TLK1: variants seen among roughly 807,000 people sequenced by gnomAD.
TLK1 encodes the protein serine/threonine-protein kinase tousled-like 1.
TLK1 carries 24 observed loss-of-function variants against 105.3 expected under a neutral mutation model. The ratio of observed to expected loss-of-function variants is 0.23; its 90% confidence interval spans 0.17 to 0.32. TLK1 has a LOEUF of 0.32. Among genes scored for constraint, TLK1 ranks in the 10% least tolerant of loss-of-function variants. The pLI, the probability that TLK1 is intolerant of heterozygous loss-of-function variation, is 1.00. For missense variants in TLK1, 558 were observed against 910.5 expected (o/e 0.61, Z 4.98); for synonymous variants, 321 against 310.4 (o/e 1.03, Z -0.36).
chr2:171,102,958 T>G (rs750020695), intron 2 of TLK1, among the ~76,000 whole-genome samples: 1 of 151,024 alleles, frequency 6.6e-6, no homozygotes, highest in Non-Finnish European at 1.5e-5. Context: ...AAAAAAGAAG[T>G]GGAGAAACTA....
chr2:171,130,762 T>C (rs1199416538), intron 1 of TLK1, among the ~76,000 whole-genome samples: 1 of 152,158 alleles, frequency 6.6e-6, no homozygotes, highest in Non-Finnish European at 1.5e-5. Context: ...ATAGGGCTCC[T>C]ACCTGCTCTA....
chr2:171,158,965 T>C (rs1252630162), intron 1 of TLK1, among the ~76,000 whole-genome samples: 1 of 152,220 alleles, frequency 6.6e-6, no homozygotes, highest in South Asian at 2.1e-4. Context: ...AGCATATTCA[T>C]GCCAATCTTT....
intron 1 of TLK1, among the ~76,000 whole-genome samples, chr2:171,184,375 C>G (rs12464487): frequency 0.045 from 6,869 of 152,196 alleles, 454 homozygotes; most frequent in East Asian, 0.3. Flanking sequence ...AGGCGTGGTG[C>G]CTCACGCCTG....
chr2:171,009,592 C>A (rs1684812254), intron 14 of TLK1, among the ~76,000 whole-genome samples: 1 of 151,994 alleles, frequency 6.6e-6, no homozygotes, highest in African/African-American at 2.4e-5. Flanking sequence ...CAGGTGTGAG[C>A]CATGGCCAAC....
At chr2:171,073,351 G>C (rs1311088300) in intron 3 of TLK1, among the ~76,000 whole-genome samples, 2 of 151,752 alleles carry the variant, frequency 1.3e-5, no homozygotes, top group African/African-American at 4.8e-5. Flanking sequence ...TTTTTTAAAG[G>C]GTAACATTTA....
intron 3 of TLK1, among the ~76,000 whole-genome samples, chr2:171,065,289 T>C (rs950724085): frequency 6.6e-6 from 1 of 152,234 alleles, no homozygotes; most frequent in South Asian, 2.1e-4. Flanking sequence ...TTGTTCTTCA[T>C]TGGGCCTCAC....
intron 1 of TLK1, among the ~76,000 whole-genome samples, chr2:171,181,626 C>A (rs1479816685): frequency 6.6e-6 from 1 of 152,128 alleles, no homozygotes; most frequent in Non-Finnish European, 1.5e-5. Flanking sequence ...GCAGAGATCA[C>A]GTGGCAAGAA....
At chr2:171,001,595 A>G (rs921295130) in intron 18 of TLK1, among the ~76,000 whole-genome samples, 1 of 152,122 alleles carries the variant, frequency 6.6e-6, no homozygotes, top group Non-Finnish European at 1.5e-5. Flanking sequence ...ACCCAATTGC[A>G]TTTGCATAAA....
At chr2:171,213,986 C>T (rs919108101) in intron 1 of TLK1, among the ~76,000 whole-genome samples, 2 of 151,284 alleles carry the variant, frequency 1.3e-5, no homozygotes, top group African/African-American at 4.9e-5. Context: ...GTGGAGCTCA[C>T]CTCTAGCAGC....
chr2:171,143,496 ACTCTAT>A (rs1440104771), intron 1 of TLK1, among the ~76,000 whole-genome samples: 1 of 107,862 alleles, frequency 9.3e-6, no homozygotes, highest in African/African-American at 3.7e-5. Context: ...GAAGAGTGGG[ACTCTAT>A]CTCCAAAAAA....
intron 14 of TLK1, among the ~76,000 whole-genome samples, chr2:171,010,228 G>A (rs992193661): frequency 6.6e-6 from 1 of 152,124 alleles, no homozygotes; most frequent in African/African-American, 2.4e-5. Context: ...TATGTGAGGG[G>A]AGGGGAACAA....
At chr2:171,043,854 A>T (rs766299583) in intron 11 of TLK1, among the ~76,000 whole-genome samples, 2 of 152,124 alleles carry the variant, frequency 1.3e-5, no homozygotes, top group East Asian at 3.9e-4. Flanking sequence ...CACTGGGATT[A>T]TAGTGTGAGA....
At chr2:171,076,105 C>A (rs1688490386) in intron 3 of TLK1, among the ~76,000 whole-genome samples, 1 of 152,022 alleles carries the variant, frequency 6.6e-6, no homozygotes. Flanking sequence ...GTAATCCCAG[C>A]TACTCAGGGG....
At chr2:171,085,115 C>A (rs1303287555) in intron 2 of TLK1, among the ~76,000 whole-genome samples, 1 of 152,168 alleles carries the variant, frequency 6.6e-6, no homozygotes, top group Non-Finnish European at 1.5e-5. Context: ...GATGGCTGGG[C>A]ACAGTGGCTC....
intron 1 of TLK1, among the ~76,000 whole-genome samples, chr2:171,227,392 T>C (rs955847883): frequency 1.3e-5 from 2 of 152,126 alleles, no homozygotes; most frequent in Non-Finnish European, 1.5e-5. Context: ...GAGTTCCTTC[T>C]GGAATATTTG....
intron 2 of TLK1, among the ~76,000 whole-genome samples, chr2:171,108,107 A>C (rs993690888): frequency 2.0e-5 from 3 of 151,736 alleles, no homozygotes; most frequent in Non-Finnish European, 4.4e-5. Flanking sequence ...GAGCCAGGAG[A>C]CCACAGCAAT....
rs145623071 is a variant in TLK1 at position 171,005,362 on chromosome 2, T to C, written c.1904+785A>G. On this transcript the variant is annotated intron_variant, in intron 18 of 20. Coordinates refer to ENST00000431350, the MANE Select transcript of TLK1 (RefSeq NM_012290.5). ...ATATCTAAATTTAAATCTAGACATATCAAGTCTTTAAAAGGGATTTCTGAA... is the reference window on the plus strand; with the variant it reads ...ATATCTAAATTTAAATCTAGACATACCAAGTCTTTAAAAGGGATTTCTGAA... 1.8e-3 allele frequency among the ~76,000 whole-genome samples: 270 copies of C among 152,328 alleles called. 2 individuals carry two copies. The highest frequency in any genetic ancestry group is 6.3e-3 in the African/African-American group (260 of 41,572).
intron 1 of TLK1, among the ~76,000 whole-genome samples, chr2:171,200,158 CA>C: frequency 6.6e-6 from 1 of 152,286 alleles, no homozygotes; most frequent in Admixed American, 6.5e-5. Context: ...CTTTGGAAAA[CA>C]CGGTAGAAAT....
intron 2 of TLK1, among the ~76,000 whole-genome samples, chr2:171,095,128 A>C (rs1689399178): frequency 6.6e-6 from 1 of 152,216 alleles, no homozygotes; most frequent in Admixed American, 6.5e-5. Flanking sequence ...ATAAAGTTAA[A>C]GCAGTGCTTA....
Sources: gnomAD v4.1 joint callset for allele counts (sites outside exome capture counted in the v4.1 genomes callset) on GRCh38, gnomAD v4.1.1 for gene constraint, MANE v1.5 for transcripts, NCBI Gene and HGNC (gene_info 2026-07-23, HGNC 2026-07-21) for gene names.